Variants in BCAR3 observed in about 807,000 individuals in gnomAD.
BCAR3 encodes BCAR3 adaptor protein, NSP family member, also known as breast cancer anti-estrogen resistance protein 3.
In BCAR3, 37 loss-of-function variants were observed where a neutral mutation model predicts 80.1. The ratio of observed to expected loss-of-function variants is 0.46; its 90% CI spans 0.36 to 0.61. The LOEUF (loss-of-function observed/expected upper bound fraction) is 0.61, where lower values mean the gene tolerates loss of function less well. Among genes scored for constraint, BCAR3 ranks in the 20% least tolerant of loss-of-function variants. The probability of loss-of-function intolerance (pLI) is 0.00; values close to 1 mark genes in which losing one functional copy is unlikely to be tolerated. For synonymous variants in BCAR3, 389 were observed against 418.9 expected, an observed-to-expected ratio of 0.93 and a Z score of 0.87; for missense variants, 978 against 1,068.2, an observed-to-expected ratio of 0.92 and a Z score of 1.18.
intron 2 of BCAR3, among the ~76,000 whole-genome samples, chr1:93,659,498 C>A (rs1282816024): frequency 6.6e-6 from 1 of 151,886 alleles, no homozygotes; most frequent in Non-Finnish European, 1.5e-5. Context: ...TGGCCAGCAA[C>A]CGGCTTTAAG....
chr1:93,649,115 G>A (rs1199330894), intron 2 of BCAR3, among the ~76,000 whole-genome samples: 1 of 152,202 alleles, frequency 6.6e-6, no homozygotes, highest in African/African-American at 2.4e-5. Context: ...CCAACTGCTG[G>A]AAGCAAAGGG....
intron 2 of BCAR3, among the ~76,000 whole-genome samples, chr1:93,788,648 T>C (rs879876878): frequency 7.2e-5 from 11 of 152,326 alleles, no homozygotes; most frequent in Non-Finnish European, 1.5e-4. Flanking sequence ...CCCGATCCCA[T>C]TGGCTTGTAA....
intron 6 of BCAR3, among the ~76,000 whole-genome samples, 156 bp downstream of exon 6, chr1:93,583,860 TCG>T (rs1673828361): frequency 1.3e-5 from 2 of 152,180 alleles, no homozygotes; most frequent in Admixed American, 6.5e-5. Flanking sequence ...GCTCAGTGCT[TCG>T]CCGCCGGATA....
chr1:93,624,936 C>T (rs1333241692), intron 3 of BCAR3, among the ~76,000 whole-genome samples: 1 of 152,142 alleles, frequency 6.6e-6, no homozygotes, highest in Non-Finnish European at 1.5e-5. Context: ...TACGGCCAGG[C>T]GCGGTGGCTC....
chr1:93,607,436 G>A (rs1034667329), intron 3 of BCAR3, among the ~76,000 whole-genome samples: 2 of 152,020 alleles, frequency 1.3e-5, no homozygotes, highest in East Asian at 3.9e-4. Context: ...AAATTAGGGT[G>A]AGCTGAACTA....
intron 3 of BCAR3, among the ~76,000 whole-genome samples, chr1:93,636,491 G>A (rs941324161): frequency 2.6e-5 from 4 of 151,886 alleles, no homozygotes; most frequent in Admixed American, 2.0e-4. Flanking sequence ...GTCCACAGGC[G>A]GGCAAGCGTG....
chr1:93,640,916 T>G (rs1488221610), intron 3 of BCAR3, among the ~76,000 whole-genome samples: 1 of 152,244 alleles, frequency 6.6e-6, no homozygotes, highest in Admixed American at 6.5e-5. Flanking sequence ...TTTAAAGAGC[T>G]GTTGTTACAC....
intron 2 of BCAR3, among the ~76,000 whole-genome samples, chr1:93,665,397 C>CAA (rs775678637): frequency 1.3e-4 from 19 of 144,762 alleles, no homozygotes; most frequent in Non-Finnish European, 2.9e-4. Context: ...ATTCTATCAT[C>CAA]AAAAAAAAAA....
chr1:93,724,315 C>T (rs1046435692), intron 2 of BCAR3, among the ~76,000 whole-genome samples: 1 of 152,134 alleles, frequency 6.6e-6, no homozygotes, highest in East Asian at 1.9e-4. Flanking sequence ...AATGGACTTC[C>T]GAAAGGCTGC....
chr1:93,596,822 G>A (rs1674435865), intron 3 of BCAR3, among the ~76,000 whole-genome samples: 1 of 152,156 alleles, frequency 6.6e-6, no homozygotes, highest in South Asian at 2.1e-4. Flanking sequence ...CAGAGGAGGA[G>A]TCAGAGAGAC....
chr1:93,643,482 G>C (rs1230857506), intron 2 of BCAR3, among the ~76,000 whole-genome samples: 1 of 137,418 alleles, frequency 7.3e-6, no homozygotes, highest in East Asian at 2.1e-4. Flanking sequence ...GGAGGCGGAG[G>C]TTGCAATGAG....
chr1:93,564,736 T>C (rs1672870319), intron 11 of BCAR3, among the ~76,000 whole-genome samples: 1 of 152,208 alleles, frequency 6.6e-6, no homozygotes, highest in Admixed American at 6.5e-5. Context: ...CATATGGATA[T>C]CCAATAGCAG....
intron 2 of BCAR3, among the ~76,000 whole-genome samples, chr1:93,784,537 G>C (rs1441382614): frequency 6.6e-6 from 1 of 152,164 alleles, no homozygotes; most frequent in Non-Finnish European, 1.5e-5. Context: ...AGAGCCAAAG[G>C]GGAAGAAAGT....
intron 2 of BCAR3, among the ~76,000 whole-genome samples, chr1:93,670,886 T>A (rs1035827496): frequency 4.6e-5 from 7 of 152,204 alleles, no homozygotes; most frequent in Non-Finnish European, 8.8e-5. Context: ...CATGTAGATA[T>A]GAAAGCTTAA....
chr1:93,707,678 G>C (rs1253375281), intron 2 of BCAR3, among the ~76,000 whole-genome samples: 1 of 152,238 alleles, frequency 6.6e-6, no homozygotes, highest in African/African-American at 2.4e-5. Flanking sequence ...CTGCACTCCA[G>C]TCTGGGTGAT....
At chr1:93,650,453 A>G (rs553859817) in intron 2 of BCAR3, among the ~76,000 whole-genome samples, 16 of 152,344 alleles carry the variant, frequency 1.1e-4, no homozygotes, top group Non-Finnish European at 1.9e-4. Context: ...AACACAGGCT[A>G]TAAAGCCAGA....
chr1:93,605,550 C>A (rs1674749693), intron 3 of BCAR3: 1 of 152,198 alleles, frequency 6.6e-6, no homozygotes, highest in East Asian at 1.9e-4. Context: ...AAGGCAGACC[C>A]TAATAAAAGA....
At position 93,675,925 on chromosome 1, in the gene BCAR3, CAAAAAAAAAAAAAAA is replaced by C. The variant is rs58706715; in HGVS notation, c.-11-999_-11-985del. Among the ~76,000 whole-genome samples the C allele has an allele frequency of 4.1e-4, 21 of 51,460 alleles. 1 individual carries two copies. The South Asian group carries it at 0.01, about 25-fold the overall frequency. 33.8% of individuals were successfully genotyped at this position (51,460 alleles called of 152,430 possible). On this transcript the variant is annotated intron_variant, in intron 1 of 11. Coordinates refer to ENST00000260502, the MANE Select transcript of BCAR3 (RefSeq NM_003567.4). ...CACACAGAGGAAAAGAAATAGGAGA[CAAAAAAAAAAAAAAA>C]AAAAAAAAAAGGCTGGCCCCTGGAG... is the stretch of plus-strand genomic sequence containing the variant.
intron 2 of BCAR3, among the ~76,000 whole-genome samples, chr1:93,826,663 A>C (rs1037270573): frequency 1.3e-5 from 2 of 152,212 alleles, no homozygotes; most frequent in Non-Finnish European, 2.9e-5. Flanking sequence ...TTTGAGAAGG[A>C]AAGTCAGGGT....
Sources: gnomAD v4.1 joint callset for allele counts (sites outside exome capture counted in the v4.1 genomes callset) on GRCh38, gnomAD v4.1.1 for gene constraint, MANE v1.5 for transcripts, NCBI Gene and HGNC (gene_info 2026-07-23, HGNC 2026-07-21) for gene names.